FBLN5: variants seen among roughly 807,000 people sequenced by gnomAD.
FBLN5 encodes fibulin-5.
In FBLN5, 24 loss-of-function variants were observed where a neutral mutation model predicts 61.6. The observed-to-expected ratio is 0.39, with a 90% CI of 0.28 to 0.55. The LOEUF is 0.55. Among genes scored for constraint, FBLN5 ranks in the 20% least tolerant of loss-of-function variants. The pLI is 0.65. For synonymous variants in FBLN5, 213 were observed against 219.8 expected, an observed-to-expected ratio of 0.97 and a Z score of 0.27; for missense variants, 470 against 594.1, an observed-to-expected ratio of 0.79 and a Z score of 2.17.
chr14:91,945,103 C>A lies in FBLN5; in HGVS notation c.17+2110G>T, dbSNP rs531351053. On this transcript the variant is annotated intron_variant, in intron 1 of 10. Transcript: ENST00000342058. ...AAAATTAGCCGACTGTGGTGGCAGG[C>A]GCCTGTAGTCCCAGCTACTCTGGAG... Among the ~76,000 whole-genome samples the A allele has an allele frequency of 7.5e-4, 114 of 152,074 alleles. 1 individual carries two copies. The South Asian group carries it at 0.021, about 28-fold the overall frequency.
At chr14:91,941,532 G>T (rs537358998) in intron 2 of FBLN5, among the ~76,000 whole-genome samples, 1 of 152,146 alleles carries the variant, frequency 6.6e-6, no homozygotes, top group Non-Finnish European at 1.5e-5. Context: ...TTGCAGAGAT[G>T]ATGTATATGG....
At chr14:91,932,877 G>T (rs1005964986) in intron 4 of FBLN5, among the ~76,000 whole-genome samples, 1 of 152,222 alleles carries the variant, frequency 6.6e-6, no homozygotes, top group African/African-American at 2.4e-5. Context: ...AATGCAATTT[G>T]CAGAATTTGC....
chr14:91,872,026 T>A (rs1888956883), intron 10 of FBLN5, among the ~76,000 whole-genome samples: 1 of 152,258 alleles, frequency 6.6e-6, no homozygotes, highest in Non-Finnish European at 1.5e-5. Flanking sequence ...GGGCTTTGTG[T>A]GCACATTAAG....
chr14:91,889,751 C>A lies in FBLN5; in HGVS notation c.619+1470G>T, dbSNP rs567215681. ...GTGCTGCCCATGGGCCCTGCTGATG[C>A]AGCATCCCAGTGGCTGAGTGCCCAT... On this transcript the variant is annotated intron_variant, in intron 6 of 10. Transcript: ENST00000342058. 7.2e-4 allele frequency among the ~76,000 whole-genome samples: 110 copies of A among 152,374 alleles called. 1 individual carries two copies. The highest frequency in any genetic ancestry group is 2.5e-3 in the African/African-American group (106 of 41,598).
intron 4 of FBLN5, among the ~76,000 whole-genome samples, chr14:91,899,625 C>T (rs1407016191): frequency 6.6e-6 from 1 of 152,196 alleles, no homozygotes; most frequent in East Asian, 1.9e-4. Context: ...CTCCTCGATG[C>T]CTTCCAAGGA....
chr14:91,870,240 G>T lies in FBLN5; in HGVS notation c.1331C>A (p.Ser444Ter). ...SSVIRLRIYVSQYPF is the reference protein window; with the variant it reads ...SSVIRLRIYV ...GCCCGAGGCTCAGAATGGGTACTGC[G>T]ACACATATATCCGCAGTCGGATCAC... Residue 444 changes from serine (S) to a stop codon, truncating the protein, a stop_gained, in exon 11 of 11, where the codon TCG becomes TAG. Transcript: ENST00000342058. LOFTEE classifies it high-confidence loss of function. 1 of 1,614,184 alleles carries T rather than the reference G, an allele frequency of 6.2e-7. No individual in the cohort carries two copies. The highest frequency in any genetic ancestry group is 1.1e-5 in the South Asian group (1 of 91,074).
chr14:91,877,922 A>G, intron 9 of FBLN5: 1 of 612,928 alleles, frequency 1.6e-6, no homozygotes, highest in Non-Finnish European at 3.0e-6. Context: ...TAAATAGAAT[A>G]CAAACCTTAG....
At chr14:91,901,388 C>A (rs762651907) in intron 4 of FBLN5, among the ~76,000 whole-genome samples, 43 of 152,216 alleles carry the variant, frequency 2.8e-4, no homozygotes, top group Non-Finnish European at 2.5e-4. Context: ...GGCCTCCACT[C>A]TTCCTTTTTT....
At chr14:91,915,065 C>T (rs1213025855) in intron 4 of FBLN5, among the ~76,000 whole-genome samples, 1 of 151,868 alleles carries the variant, frequency 6.6e-6, no homozygotes, top group Non-Finnish European at 1.5e-5. Context: ...GAGGCTGAGG[C>T]AGGAGAATCA....
intron 4 of FBLN5, among the ~76,000 whole-genome samples, chr14:91,929,964 C>T (rs142344759): frequency 5.3e-5 from 8 of 152,290 alleles, no homozygotes; most frequent in African/African-American, 1.7e-4. Context: ...TTGTGTCTCC[C>T]TGGAAGCACA....
At chr14:91,870,888 G>A (rs929611) in intron 10 of FBLN5, among the ~76,000 whole-genome samples, 8,865 of 152,178 alleles carry the variant, frequency 0.058, 770 homozygotes, top group African/African-American at 0.19. Flanking sequence ...TGAAACTTCT[G>A]CATGGCTTAG....
rs955136767 is a variant in FBLN5, at chr14:91,882,407, TG to T, written c.862+546del. On this transcript the variant is annotated intron_variant, in intron 8 of 10. Transcript: ENST00000342058. The surrounding 1 kb of genome is among the most constrained non-coding windows in gnomAD (Gnocchi z 4.9). ...CAATGACCCCTCAGTGGGTGGAGCATGGGGCTGGAACCCAGGCTAAGCAGGC... is the reference window on the plus strand; with the variant it reads ...CAATGACCCCTCAGTGGGTGGAGCATGGGCTGGAACCCAGGCTAAGCAGGC... Among the ~76,000 whole-genome samples, 11 of 152,262 alleles carry T rather than the reference TG, an allele frequency of 7.2e-5. No homozygotes were observed. The highest frequency in any genetic ancestry group is 2.4e-4 in the African/African-American group (10 of 41,558).
intron 4 of FBLN5, among the ~76,000 whole-genome samples, chr14:91,916,050 A>T (rs1281707667): frequency 6.6e-6 from 1 of 152,238 alleles, no homozygotes; most frequent in Non-Finnish European, 1.5e-5. Context: ...TCATACTATA[A>T]CATGACCAAA....
intron 4 of FBLN5, among the ~76,000 whole-genome samples, chr14:91,905,024 C>T (rs1890622764): frequency 6.6e-6 from 1 of 152,152 alleles, no homozygotes. Flanking sequence ...AGGGGATACC[C>T]AGGAAATCTA....
Position 91,943,335 on chromosome 14 carries a change from C to A in FBLN5, c.18-374G>T, listed in dbSNP as rs1442246333. Among the ~76,000 whole-genome samples, 2 of 151,886 alleles carry A rather than the reference C, an allele frequency of 1.3e-5. No homozygotes were observed. The highest frequency in any genetic ancestry group is 4.8e-5 in the African/African-American group (2 of 41,354). On this transcript the variant is annotated intron_variant, in intron 1 of 10. Transcript: ENST00000342058. The surrounding 1 kb of genome is among the most constrained non-coding windows in gnomAD (Gnocchi z 4.0). ...ACAAGCCTGGGCAACATGGTGAAACCCCATTTCTACAAAATTAAAAAAAAA... is the reference window on the plus strand; with the variant it reads ...ACAAGCCTGGGCAACATGGTGAAACACCATTTCTACAAAATTAAAAAAAAA...
At chr14:91,888,608 CA>C (rs34117518) in intron 6 of FBLN5, among the ~76,000 whole-genome samples, 29,922 of 113,530 alleles carry the variant, frequency 0.26, 3,177 homozygotes, top group East Asian at 0.37. Flanking sequence ...GACTCTGTCT[CA>C]AAAAAAAAAA....
chr14:91,877,969 ATACTT>A (rs1183740710), intron 9 of FBLN5: 1 of 530,276 alleles, frequency 1.9e-6, no homozygotes, highest in East Asian at 4.9e-5. Flanking sequence ...ATTCTCCAAG[ATACTT>A]TACATTTGCC....
At chr14:91,889,682 G>T (rs72705341) in intron 6 of FBLN5, among the ~76,000 whole-genome samples, 1 of 152,200 alleles carries the variant, frequency 6.6e-6, no homozygotes, top group African/African-American at 2.4e-5. Flanking sequence ...TTCCACACAC[G>T]AAGAGTCAGG....
intron 4 of FBLN5, among the ~76,000 whole-genome samples, chr14:91,932,456 C>T (rs2055940686): frequency 6.6e-6 from 1 of 152,212 alleles, no homozygotes; most frequent in African/African-American, 2.4e-5. Flanking sequence ...CCCATGGAAA[C>T]AGCATGGCTT....
Sources: allele counts gnomAD v4.1 joint callset (sites outside exome capture counted in the v4.1 genomes callset), GRCh38; gene constraint gnomAD v4.1.1; non-coding constraint Gnocchi (gnomAD v3.1); transcripts MANE v1.5; gene names NCBI Gene and HGNC (gene_info 2026-07-23, HGNC 2026-07-21).